The following ACSM3 variants were observed in gnomAD, a reference collection of about 807,000 sequenced individuals.
ACSM3 encodes acyl-coenzyme A synthetase ACSM3, mitochondrial.
ACSM3 carries 61 observed loss-of-function variants against 74.1 expected under a neutral mutation model. That is an observed-to-expected ratio of 0.82 (90% confidence interval 0.67 to 1.02). The LOEUF (loss-of-function observed/expected upper bound fraction) is 1.02, where lower values mean the gene tolerates loss of function less well. Ranked by LOEUF, ACSM3 falls within the 50% of genes least tolerant of loss-of-function variation. The pLI is 0.00. For missense variants in ACSM3, 660 were observed against 697.0 expected (o/e 0.95, Z 0.60); for synonymous variants, 213 against 241.5 (o/e 0.88, Z 1.09).
At chr16:20,682,464 C>G (rs749476530) in intron 1 of ACSM3, 21 of 1,612,416 alleles carry the variant, frequency 1.3e-5, no homozygotes, top group Non-Finnish European at 1.7e-5. Flanking sequence ...AAGATGATCC[C>G]TGGGGATGAG....
intron 1 of ACSM3, chr16:20,741,476 A>G: frequency 1.4e-6 from 2 of 1,388,840 alleles, no homozygotes; most frequent in Non-Finnish European, 9.5e-7. Context: ...AAGGCCTGGC[A>G]GCCGGCCCGC....
At position 20,722,609 on chromosome 16, in the gene ACSM3, A is replaced by G. The variant is rs78034049; in HGVS notation, c.-189-27301A>G. ...AAAAACTGATATATTTCATAGAAATAGAAGTGGAAAGGTTCCAGTAGTTTA... is the reference window on the plus strand; with the variant it reads ...AAAAACTGATATATTTCATAGAAATGGAAGTGGAAAGGTTCCAGTAGTTTA... On this transcript the variant is annotated intron_variant, in intron 1 of 3. Transcript: ENST00000561584. Among the ~76,000 whole-genome samples the G allele has an allele frequency of 8.6e-3, 1,304 of 152,366 alleles. 19 individuals carry two copies. The highest frequency in any genetic ancestry group is 0.029 in the African/African-American group (1,189 of 41,586).
chr16:20,721,722 C>T (rs1261420392), intron 1 of ACSM3: 1 of 152,158 alleles, frequency 6.6e-6, no homozygotes, highest in African/African-American at 2.4e-5. Flanking sequence ...CAGGAGGAAT[C>T]ATGCCATAGC....
chr16:20,743,182 C>T (rs960176025), intron 1 of ACSM3, among the ~76,000 whole-genome samples: 1 of 152,102 alleles, frequency 6.6e-6, no homozygotes, highest in African/African-American at 2.4e-5. Flanking sequence ...TCGTGATCCA[C>T]CCGCCTCGGC....
At chr16:20,791,005 AATC>A in intron 10 of ACSM3, 1 of 1,507,620 alleles carries the variant, frequency 6.6e-7, no homozygotes, top group Non-Finnish European at 9.1e-7. Flanking sequence ...ATTTTCCTGA[AATC>A]CAGTTAGTGC....
At chr16:20,791,357 TTTAC>T (rs1380176088) in intron 10 of ACSM3, among the ~76,000 whole-genome samples, 1 of 152,214 alleles carries the variant, frequency 6.6e-6, no homozygotes, top group Non-Finnish European at 1.5e-5. Context: ...CTCTTGAGTA[TTTAC>T]TTCTCTCTTT....
intron 1 of ACSM3, chr16:20,729,355 T>C: frequency 5.5e-6 from 8 of 1,441,480 alleles, no homozygotes; most frequent in South Asian, 1.1e-5. Context: ...TTATTTCCTC[T>C]GGGTTTGTAG....
At chr16:20,748,001 G>A (rs981543669) in intron 1 of ACSM3, among the ~76,000 whole-genome samples, 13 of 152,192 alleles carry the variant, frequency 8.5e-5, no homozygotes, top group Non-Finnish European at 1.3e-4. Context: ...CTTAGGTGTG[G>A]TGGTGCACAC....
At chr16:20,739,239 G>A (rs988705031) in intron 1 of ACSM3, among the ~76,000 whole-genome samples, 13 of 151,256 alleles carry the variant, frequency 8.6e-5, no homozygotes, top group African/African-American at 2.4e-4. Flanking sequence ...GCAGTGGTGC[G>A]ATCTTGACTT....
chr16:20,765,602 C>G (rs898129832), intron 1 of ACSM3, among the ~76,000 whole-genome samples: 2 of 152,070 alleles, frequency 1.3e-5, no homozygotes, highest in East Asian at 3.9e-4. Flanking sequence ...TAATGTCTTC[C>G]TTAATAGTCT....
chr16:20,675,451 C>T (rs1379741470), intron 1 of ACSM3, among the ~76,000 whole-genome samples: 1 of 152,094 alleles, frequency 6.6e-6, no homozygotes, highest in Non-Finnish European at 1.5e-5. Flanking sequence ...AAGGCACGTT[C>T]CTGGCTAAGC....
At chr16:20,785,739 T>G (rs925844592) in intron 8 of ACSM3, among the ~76,000 whole-genome samples, 7 of 152,250 alleles carry the variant, frequency 4.6e-5, no homozygotes, top group Middle Eastern at 3.4e-3. Context: ...ACCATGAGAA[T>G]GTATCACCTG....
intron 2 of ACSM3, among the ~76,000 whole-genome samples, chr16:20,774,394 T>C (rs7498567): frequency 0.13 from 20,246 of 152,068 alleles, 1,408 homozygotes; most frequent in East Asian, 0.21. Flanking sequence ...AGGTGCACGC[T>C]ATCATGCCCA....
At position 20,786,318 on chromosome 16, in the gene ACSM3, T is replaced by C. The variant is rs1014405114; in HGVS notation, c.1224+160T>C. ...AATATGTGAAAATGATTAGAAATGT[T>C]AGCTTCTTGGTCTCCATTATTTTGC... On this transcript the variant is annotated intron_variant, in intron 9 of 13. Transcript: ENST00000289416. The C allele has an allele frequency of 4.4e-6, 6 of 1,356,478 alleles. No individual in the cohort carries two copies. The Admixed American group carries it at 1.3e-4, about 29-fold the overall frequency. 84.0% of individuals were successfully genotyped at this position (1,356,478 alleles called of 1,614,324 possible).
chr16:20,677,868 GA>G (rs554816453), intron 1 of ACSM3, among the ~76,000 whole-genome samples: 1,969 of 150,572 alleles, frequency 0.013, 45 homozygotes, highest in African/African-American at 0.046. Context: ...TATTTACAAA[GA>G]AAAAAAAGGC....
Position 20,781,202 on chromosome 16 carries a change from A to G in ACSM3, c.939+72A>G. 15 of 1,549,792 alleles carry G rather than the reference A, an allele frequency of 9.7e-6. No homozygotes were observed. In the South Asian group the frequency reaches 1.6e-4, roughly 16 times the overall value. ...GTATGGCTGACAGAACTGGTGAATA[A>G]AGCAACTTGCAGAGATCAGAGTAGA... On this transcript the variant is annotated intron_variant, in intron 6 of 13. Coordinates refer to ENST00000289416, the MANE Select transcript of ACSM3 (RefSeq NM_005622.4).
intron 1 of ACSM3, chr16:20,743,589 C>T (rs922237594): frequency 1.3e-4 from 20 of 152,158 alleles, no homozygotes; most frequent in African/African-American, 4.8e-4. Context: ...AAAGGGACAC[C>T]GAATTCACAG....
chr16:20,690,466 T>C (rs1187821394), intron 1 of ACSM3, among the ~76,000 whole-genome samples: 1 of 152,096 alleles, frequency 6.6e-6, no homozygotes, highest in African/African-American at 2.4e-5. Flanking sequence ...CACAGTCAAG[T>C]AGGTAGTTGA....
chr16:20,732,713 C>T (rs192207068), intron 1 of ACSM3, among the ~76,000 whole-genome samples: 3 of 152,166 alleles, frequency 2.0e-5, no homozygotes, highest in Admixed American at 6.5e-5. Context: ...CTAAAAACCC[C>T]CAAGATGGAG....
Sources: allele counts gnomAD v4.1 joint callset (sites outside exome capture counted in the v4.1 genomes callset), GRCh38; gene constraint gnomAD v4.1.1; transcripts MANE v1.5; gene names NCBI Gene and HGNC (gene_info 2026-07-23, HGNC 2026-07-21).